NOCT: variants seen among roughly 807,000 people sequenced by gnomAD.
NOCT encodes CCR4 carbon catabolite repression 4-like.
In NOCT, 18 loss-of-function variants were observed where a neutral mutation model predicts 35.0. The observed-to-expected ratio is 0.51, with a 90% CI of 0.36 to 0.76. NOCT has a LOEUF of 0.76. Ranked by LOEUF, NOCT falls within the 30% of genes least tolerant of loss-of-function variation. NOCT has a pLI of 0.01. For missense variants in NOCT, 479 were observed against 541.0 expected, an observed-to-expected ratio of 0.89 and a Z score of 1.14; for synonymous variants, 235 against 226.3, an observed-to-expected ratio of 1.04 and a Z score of -0.34.
chr4:139,017,737 A>G (rs932200066), intron 1 of NOCT, among the ~76,000 whole-genome samples: 1 of 151,804 alleles, frequency 6.6e-6, no homozygotes, highest in African/African-American at 2.4e-5. Flanking sequence ...GGAGTGTTGC[A>G]GTGAGCCGAG....
chr4:139,028,626 G>A (rs2148644044), intron 1 of NOCT, among the ~76,000 whole-genome samples: 1 of 152,342 alleles, frequency 6.6e-6, no homozygotes, highest in Admixed American at 6.5e-5. Flanking sequence ...CTGCATCGCT[G>A]TTGCCCTGAG....
intron 1 of NOCT, among the ~76,000 whole-genome samples, chr4:139,038,778 T>C (rs1361504935): frequency 4.6e-5 from 7 of 152,226 alleles, no homozygotes; most frequent in Admixed American, 1.3e-4. Flanking sequence ...TTGGGCCATA[T>C]AGCCATTACA....
At chr4:139,023,703 G>A (rs575566192) in intron 1 of NOCT, among the ~76,000 whole-genome samples, 1 of 152,020 alleles carries the variant, frequency 6.6e-6, no homozygotes, top group Non-Finnish European at 1.5e-5. Flanking sequence ...TTGCCATGTT[G>A]GTCAGGCTGT....
chr4:139,031,250 C>T (rs887410550), intron 1 of NOCT, among the ~76,000 whole-genome samples: 5 of 151,728 alleles, frequency 3.3e-5, no homozygotes, highest in Admixed American at 2.0e-4. Flanking sequence ...CTGGGGTTCA[C>T]GCCATTCTCC....
At chr4:139,028,608 C>G (rs1216836696) in intron 1 of NOCT, among the ~76,000 whole-genome samples, 1 of 152,208 alleles carries the variant, frequency 6.6e-6, no homozygotes, top group Non-Finnish European at 1.5e-5. Flanking sequence ...TGGGGCTAGG[C>G]AGGACAGCTG....
chr4:139,032,564 A>G (rs140308715), intron 1 of NOCT, among the ~76,000 whole-genome samples: 7 of 152,240 alleles, frequency 4.6e-5, no homozygotes, highest in Admixed American at 1.3e-4. Flanking sequence ...TTGTGAGCAG[A>G]AGCCAAATAT....
Position 139,045,324 on chromosome 4 carries a change from T to C in NOCT, c.1146T>C (p.Ser382=). The C allele has an allele frequency of 6.2e-7, 1 of 1,614,044 alleles. No homozygotes were observed. The change falls in exon 3 of 3, where the codon TCT becomes TCC. Residue 382 remains serine (S), a synonymous_variant. Coordinates refer to ENST00000280614, the MANE Select transcript of NOCT (RefSeq NM_012118.4). ...ACACCCTGGATTACATCTGGTATTC[T>C]AAACATGCTCTAAATGTAAGGTCAG... is the stretch of plus-strand genomic sequence containing the variant. The part of the protein sequence containing the change: ...CRHTLDYIWY[S]KHALNVRSAL...
rs1289871334 is a variant in NOCT, at chr4:139,016,139, C to G, written c.158C>G (p.Ala53Gly). The G allele has an allele frequency of 2.3e-6, 3 of 1,281,058 alleles. No individual in the cohort carries two copies. The African/African-American group carries it at 4.6e-5, about 20-fold the overall frequency. The allele number at this position is 1,281,058 out of a possible 1,614,324, so 79.4% of individuals were successfully genotyped here. ...SPRLLAAASA[A>G]SGAARSCSRT... is the part of the protein sequence containing the mutation. ...CGGCTGCTGGCGGCGGCCTCGGCGG[C>G]CTCGGGCGCCGCGAGGTCGTGTTCC... The change falls in exon 1 of 3, where the codon GCC (alanine) becomes GGC (glycine). Residue 53 changes from alanine (A) to glycine (G), a missense_variant. Coordinates refer to ENST00000280614, the MANE Select transcript of NOCT (RefSeq NM_012118.4).
At chr4:139,022,621 C>T (rs1014663594) in intron 1 of NOCT, among the ~76,000 whole-genome samples, 1 of 152,134 alleles carries the variant, frequency 6.6e-6, no homozygotes, top group African/African-American at 2.4e-5. Context: ...TGCTTAGAAG[C>T]CTATTCTAAG....
At chr4:139,019,214 C>T (rs542480296) in intron 1 of NOCT, among the ~76,000 whole-genome samples, 1 of 152,208 alleles carries the variant, frequency 6.6e-6, no homozygotes, top group South Asian at 2.1e-4. Context: ...CGCCACTGTG[C>T]CGGGCTAATT....
intron 1 of NOCT, among the ~76,000 whole-genome samples, chr4:139,039,638 T>C (rs568241151): frequency 6.6e-6 from 1 of 152,290 alleles, no homozygotes; most frequent in Admixed American, 6.5e-5. Flanking sequence ...TTTTCTCATT[T>C]CTTTTTAATT....
chr4:139,027,741 G>A lies in NOCT; in HGVS notation c.190+11570G>A, dbSNP rs556082716. Among the ~76,000 whole-genome samples, 15 of 152,082 alleles carry A rather than the reference G, an allele frequency of 9.9e-5. No individual in the cohort carries two copies. In the East Asian group the frequency reaches 1.4e-3, roughly 14 times the overall value. On this transcript the variant is annotated intron_variant, in intron 1 of 2. Transcript: ENST00000280614. ...TCTCGATCTCCTGACCTCGTGATCC[G>A]CCCGCCTCGGCCTCCCAAAGTGCTG... is the stretch of plus-strand genomic sequence containing the variant.
intron 1 of NOCT, among the ~76,000 whole-genome samples, chr4:139,029,919 T>C (rs919750947): frequency 6.6e-6 from 1 of 152,190 alleles, no homozygotes; most frequent in Admixed American, 6.5e-5. Context: ...TTTGAGACAA[T>C]CTTGCTCTGT....
intron 1 of NOCT, among the ~76,000 whole-genome samples, chr4:139,026,750 C>T (rs1429901020): frequency 6.6e-6 from 1 of 151,664 alleles, no homozygotes; most frequent in Non-Finnish European, 1.5e-5. Context: ...GGGGTTTTTG[C>T]CATGTTGGCC....
At chr4:139,029,319 CAG>C (rs1392939254) in intron 1 of NOCT, among the ~76,000 whole-genome samples, 1 of 152,162 alleles carries the variant, frequency 6.6e-6, no homozygotes, top group Admixed American at 6.5e-5. Context: ...AATGAAGAAG[CAG>C]AGAGGTAAAT....
In NOCT at chr4:139,045,077, A is replaced by G. The variant is rs761936630; in HGVS notation, c.899A>G (p.Gln300Arg). The change falls in exon 3 of 3, where the codon CAA becomes CGA. Residue 300 changes from glutamine to arginine, a missense_variant. By Grantham distance (43) the Gln-to-Arg change is conservative. This residue lies in a region of NOCT where 214 missense variants were observed against 284.0 expected (regional missense o/e 0.75). Transcript: ENST00000280614. ...GGCTGGGAGCGGTTTCGATCAGCTC[A>G]AGGCTGTGACCTCCTTCAGAACCTG... ...RTGWERFRSA[Q>R]GCDLLQNLQN... 3.1e-6 allele frequency: 5 copies of G among 1,614,054 alleles called. No homozygotes were observed. The highest frequency in any genetic ancestry group is 4.2e-6 in the Non-Finnish European group (5 of 1,180,022).
rs917235888 is a variant in NOCT at position 139,015,930 on chromosome 4, C to G, written c.-52C>G. 1 of 1,282,332 alleles carries G rather than the reference C, an allele frequency of 7.8e-7. No individual in the cohort carries two copies. Among genetic ancestry groups the G allele is most frequent in the Non-Finnish European group, 9.9e-7 (1 of 1,012,158 alleles). 79.4% of individuals were successfully genotyped at this position (1,282,332 alleles called of 1,614,324 possible). On this transcript the variant is annotated 5_prime_UTR_variant, in exon 1 of 3. Coordinates refer to ENST00000280614, the MANE Select transcript of NOCT (RefSeq NM_012118.4). ...TCGACTCGGTGCCCTCGGCCCCAGC[C>G]GGGCTCCGCTCCTCGGGCGCGCGAG...
At chr4:139,021,489 G>A (rs1279441365) in intron 1 of NOCT, among the ~76,000 whole-genome samples, 1 of 151,674 alleles carries the variant, frequency 6.6e-6, no homozygotes, top group South Asian at 2.1e-4. Context: ...GTGGTGGCAC[G>A]CACCTGTAAT....
chr4:139,016,641 G>GTTTTTTTTTTT lies in NOCT; in HGVS notation c.190+490_190+500dup, dbSNP rs10541748. Among the ~76,000 whole-genome samples the GTTTTTTTTTTT allele has an allele frequency of 1.5e-4, 8 of 53,786 alleles. 2 individuals carry two copies. Among genetic ancestry groups the GTTTTTTTTTTT allele is most frequent in the African/African-American group, 2.3e-4 (3 of 13,080 alleles). 35.3% of individuals were successfully genotyped at this position (53,786 alleles called of 152,430 possible). A position where few individuals can be genotyped will look rare whatever the true frequency, so the allele number is the denominator to read the frequency against. On this transcript the variant is annotated intron_variant, in intron 1 of 2. Transcript: ENST00000280614. ...ATAACACATTGATTCGTTTTACGTT[G>GTTTTTTTTTTT]TTTTTTTTTTTTTTTTTTTTTTTTT... is the stretch of plus-strand genomic sequence containing the variant.
Sources: gnomAD v4.1 joint callset for allele counts (sites outside exome capture counted in the v4.1 genomes callset) on GRCh38, gnomAD v4.1.1 for gene constraint, gnomAD v4.1.1 regional missense constraint, MANE v1.5 for transcripts, NCBI Gene and HGNC (gene_info 2026-07-23, HGNC 2026-07-21) for gene names.